PWWP2A: variants seen among roughly 807,000 people sequenced by gnomAD.
PWWP2A encodes the protein PWWP domain-containing protein 2A.
A neutral mutation model predicts 48.5 loss-of-function variants in PWWP2A; 18 were observed. The observed-to-expected ratio is 0.37, with a 90% confidence interval of 0.26 to 0.55. PWWP2A has a LOEUF of 0.55. Ranked by LOEUF, PWWP2A falls within the 20% of genes least tolerant of loss-of-function variation. The pLI is 0.81. For synonymous variants in PWWP2A, 396 were observed against 387.7 expected, an observed-to-expected ratio of 1.02 and a Z score of -0.25; for missense variants, 867 against 976.4, an observed-to-expected ratio of 0.89 and a Z score of 1.49.
intron 1 of PWWP2A, among the ~76,000 whole-genome samples, chr5:160,110,850 G>A (rs1757487704): frequency 6.6e-6 from 1 of 151,460 alleles, no homozygotes; most frequent in Non-Finnish European, 1.5e-5. Flanking sequence ...TGGCCAACAT[G>A]ATGAAATCCG....
In PWWP2A at chr5:160,093,322, T is replaced by G; in HGVS notation, c.1328A>C (p.Gln443Pro). ...ATTTTTGGAAGTAGAGGTTTCATTT[T>G]GCTTCTTTTGTGCCTTTTCTTTGGC... ...KIAKEKAQKKQNETSTSKNAH... is the reference protein window; with the variant it reads ...KIAKEKAQKKPNETSTSKNAH... The change falls in exon 2 of 2, where the codon CAA (glutamine) becomes CCA (proline). Residue 443 changes from glutamine to proline, a missense_variant. Coordinates refer to ENST00000307063, the MANE Select transcript of PWWP2A (RefSeq NM_001130864.2). The surrounding 1 kb of genome is among the most constrained non-coding windows in gnomAD (Gnocchi z 5.8). The G allele has an allele frequency of 6.2e-7, 1 of 1,613,952 alleles. No homozygotes were observed. Among genetic ancestry groups the G allele is most frequent in the Non-Finnish European group, 8.5e-7 (1 of 1,179,840 alleles).
At chr5:160,058,221 G>T (rs1212074414), downstream of PWWP2A, among the ~76,000 whole-genome samples, 1 of 152,164 alleles carries the variant, frequency 6.6e-6, no homozygotes, top group Non-Finnish European at 1.5e-5. Flanking sequence ...TAGCAATTTA[G>T]TCACATCTTC....
At position 160,093,874 on chromosome 5, in the gene PWWP2A, G is replaced by A. The variant is rs769865137; in HGVS notation, c.776C>T (p.Thr259Ile). Reference protein sequence around the residue: ...PELSLAESLWTSKPPPLFHEG... With the variant: ...PELSLAESLWISKPPPLFHEG... ...ATGGAAGAGAGGTGGTGGTTTGGAA[G>A]TCCACAGGCTTTCAGCCAAGCTCAG... is the stretch of plus-strand genomic sequence containing the variant. Residue 259 changes from threonine to isoleucine, a missense_variant, in exon 2 of 2, where the codon ACT (threonine) becomes ATT (isoleucine). Around this residue, in one of 4 missense-constraint regions of PWWP2A, gnomAD observed 385 missense variants for 396.9 expected, o/e 0.97. Transcript: ENST00000307063. This position sits in a 1 kb window ranked among gnomAD's most constrained non-coding sequence, Gnocchi z 5.8. 6.2e-7 allele frequency: 1 copy of A among 1,614,084 alleles called. No individual in the cohort carries two copies. The highest frequency in any genetic ancestry group is 8.5e-7 in the Non-Finnish European group (1 of 1,179,908).
Position 160,078,500 on chromosome 5 carries a change from T to G in PWWP2A, c.1670-332A>C, listed in dbSNP as rs1178222779. 6.6e-6 allele frequency among the ~76,000 whole-genome samples: 1 copy of G among 152,218 alleles called. No individual in the cohort carries two copies. Among genetic ancestry groups the G allele is most frequent in the Non-Finnish European group, 1.5e-5 (1 of 68,030 alleles). On this transcript the variant is annotated intron_variant, in intron 3 of 3. Transcript: ENST00000456329. This position sits in a 1 kb window ranked among gnomAD's most constrained non-coding sequence, Gnocchi z 4.2. ...CCTAGTAACAGGGGAATTTTAACTTTGTTCCTTATATCGCCATTTCACAGT... is the reference window on the plus strand; with the variant it reads ...CCTAGTAACAGGGGAATTTTAACTTGGTTCCTTATATCGCCATTTCACAGT...
exon 4 of PWWP2A, chr5:160,076,075 A>G (rs1753872244): frequency 1.3e-5 from 2 of 152,276 alleles, no homozygotes; most frequent in South Asian, 4.1e-4. Context: ...TAAAGCAATG[A>G]AAGTGAAATA....
intron 1 of PWWP2A, among the ~76,000 whole-genome samples, chr5:160,110,181 C>T (rs1003094460): frequency 2.6e-5 from 4 of 151,542 alleles, no homozygotes; most frequent in Admixed American, 1.3e-4. Flanking sequence ...CCACCACAGC[C>T]GGCTAATTTT....
chr5:160,118,423 C>A (rs902550973), intron 1 of PWWP2A, among the ~76,000 whole-genome samples: 3 of 151,512 alleles, frequency 2.0e-5, no homozygotes, highest in African/African-American at 7.3e-5. Context: ...GCCCCCCGCC[C>A]CCCCGTCCCC....
At chr5:160,096,239 G>GTT (rs768806310) in intron 1 of PWWP2A, among the ~76,000 whole-genome samples, 5 of 152,072 alleles carry the variant, frequency 3.3e-5, no homozygotes, top group African/African-American at 4.8e-5. Flanking sequence ...TTTACCTACG[G>GTT]TAAGACAAGA....
chr5:160,056,329 T>C, the PWWP2A span, among the ~76,000 whole-genome samples: 1 of 152,176 alleles, frequency 6.6e-6, no homozygotes, highest in African/African-American at 2.4e-5. Flanking sequence ...ATATTCCTGG[T>C]GTCCTGATTC....
At chr5:160,094,864 G>A (rs955820002) in intron 1 of PWWP2A, among the ~76,000 whole-genome samples, 8 of 151,550 alleles carry the variant, frequency 5.3e-5, no homozygotes, top group African/African-American at 1.5e-4. Flanking sequence ...TGGCGAACAC[G>A]GTGAAACCCC....
At position 160,106,980 on chromosome 5, in the gene PWWP2A, C is replaced by T. The variant is rs570735472; in HGVS notation, c.584+11825G>A. 8.5e-5 allele frequency among the ~76,000 whole-genome samples: 13 copies of T among 152,054 alleles called. No homozygotes were observed. The East Asian group carries it at 1.2e-3, about 14-fold the overall frequency. On this transcript the variant is annotated intron_variant, in intron 1 of 1. Coordinates refer to ENST00000307063, the MANE Select transcript of PWWP2A (RefSeq NM_001130864.2). Reference sequence around the variant, plus strand: ...CTGGGATTACAGGCACACACCACCACGCTCAACTAATTTTTTTGTATTTTT... The same window carrying T: ...CTGGGATTACAGGCACACACCACCATGCTCAACTAATTTTTTTGTATTTTT...
At chr5:160,105,930 C>T (rs1756852258) in intron 1 of PWWP2A, among the ~76,000 whole-genome samples, 1 of 152,148 alleles carries the variant, frequency 6.6e-6, no homozygotes, top group South Asian at 2.1e-4. Context: ...CTCTTATGAA[C>T]AAGTAGGTTT....
chr5:160,115,284 A>G (rs967854851), intron 1 of PWWP2A, among the ~76,000 whole-genome samples: 1 of 152,048 alleles, frequency 6.6e-6, no homozygotes, highest in Admixed American at 6.6e-5. Context: ...GGCTGGCTGC[A>G]ATGGCTTATG....
At chr5:160,059,438 T>G (rs1257778769), downstream of PWWP2A, among the ~76,000 whole-genome samples, 1 of 152,264 alleles carries the variant, frequency 6.6e-6, no homozygotes, top group African/African-American at 2.4e-5. Context: ...GTGGCTGGTT[T>G]GATCTTCTAT....
chr5:160,090,140 C>T (rs1754947951), downstream of PWWP2A: 1 of 985,044 alleles, frequency 1.0e-6, no homozygotes, highest in South Asian at 4.7e-5. Flanking sequence ...TTCTACAAAA[C>T]TGATTGTTAT....
chr5:160,079,348 T>A (rs1040527265), intron 3 of PWWP2A, among the ~76,000 whole-genome samples: 9 of 151,746 alleles, frequency 5.9e-5, no homozygotes, highest in Non-Finnish European at 1.3e-4. Context: ...GGGTATTCTA[T>A]CATGTTTCTC....
chr5:160,099,619 C>A (rs562670847), intron 1 of PWWP2A, among the ~76,000 whole-genome samples: 1 of 151,820 alleles, frequency 6.6e-6, no homozygotes, highest in Admixed American at 6.6e-5. Context: ...CCACAGTCGG[C>A]CCCAAAATTC....
rs1318996068 is a variant in PWWP2A, at chr5:160,092,433, G to T, written c.2217C>A (p.Ala739=). ...RKAITEAAKA[A]KQLTPEVRAL... is the part of the protein sequence containing the mutation. Reference sequence around the variant, plus strand: ...CCCGCACTTCGGGGGTCAGCTGCTTGGCAGCCTTAGCTGCCTCTGTGATAG... The same window carrying T: ...CCCGCACTTCGGGGGTCAGCTGCTTTGCAGCCTTAGCTGCCTCTGTGATAG... Residue 739 remains alanine (A), a synonymous_variant, in exon 2 of 2, where the codon GCC becomes GCA. Coordinates refer to ENST00000307063, the MANE Select transcript of PWWP2A (RefSeq NM_001130864.2). 2 of 1,550,686 alleles carry T rather than the reference G, an allele frequency of 1.3e-6. No homozygotes were observed. The highest frequency in any genetic ancestry group is 2.4e-5 in the East Asian group (1 of 40,906).
At position 160,093,985 on chromosome 5, in the gene PWWP2A, C is replaced by A; in HGVS notation, c.665G>T (p.Ser222Ile). The A allele has an allele frequency of 6.2e-7, 1 of 1,614,024 alleles. No homozygotes were observed. Among genetic ancestry groups the A allele is most frequent in the African/African-American group, 1.3e-5 (1 of 75,064 alleles). The change falls in exon 2 of 2, where the codon AGT becomes ATT. Residue 222 changes from serine (S) to isoleucine (I), a missense_variant. This residue lies in a region of PWWP2A where 385 missense variants were observed against 396.9 expected (regional missense o/e 0.97). Transcript: ENST00000307063. This position sits in a 1 kb window ranked among gnomAD's most constrained non-coding sequence, Gnocchi z 5.8. Reference protein sequence around the residue: ...KDKPEAMPLQSNTFQEGTEVK... With the variant: ...KDKPEAMPLQINTFQEGTEVK... The stretch of plus-strand genomic sequence containing the variant: ...TTCTGTCCCTTCTTGGAATGTATTA[C>A]TTTGGAGCGGCATGGCTTCTGGTTT...
Sources: allele counts gnomAD v4.1 joint callset (sites outside exome capture counted in the v4.1 genomes callset), GRCh38; gene constraint gnomAD v4.1.1; regional missense constraint gnomAD v4.1.1; non-coding constraint Gnocchi (gnomAD v3.1); transcripts MANE v1.5; gene names NCBI Gene and HGNC (gene_info 2026-07-23, HGNC 2026-07-21).